TMEM163: variants seen among roughly 807,000 people sequenced by gnomAD.
TMEM163 encodes the protein transmembrane protein 163.
Under a neutral mutation model 29.3 loss-of-function variants are expected in TMEM163, and 17 were observed. The observed-to-expected ratio is 0.58, with a 90% CI of 0.40 to 0.87. TMEM163 has a LOEUF of 0.87. Ranked by LOEUF, TMEM163 falls within the 40% of genes least tolerant of loss-of-function variation. The pLI is 0.00. For synonymous variants in TMEM163, 157 were observed against 160.6 expected, an observed-to-expected ratio of 0.98 and a Z score of 0.17; for missense variants, 303 against 381.5, an observed-to-expected ratio of 0.79 and a Z score of 1.71.
At chr2:134,556,136 CAAG>C (rs2104773965) in intron 2 of TMEM163, among the ~76,000 whole-genome samples, 1 of 152,268 alleles carries the variant, frequency 6.6e-6, no homozygotes, top group African/African-American at 2.4e-5. Flanking sequence ...GAAGCCAACA[CAAG>C]AAGAAAGTAG....
intron 4 of TMEM163, among the ~76,000 whole-genome samples, chr2:134,542,527 G>A (rs536195683): frequency 7.9e-5 from 12 of 152,300 alleles, no homozygotes; most frequent in African/African-American, 1.9e-4. Context: ...CCCGTCACTC[G>A]CATTACCGCC....
intron 2 of TMEM163, among the ~76,000 whole-genome samples, chr2:134,615,219 A>G (rs1337849263): frequency 6.6e-6 from 1 of 152,236 alleles, no homozygotes; most frequent in African/African-American, 2.4e-5. Flanking sequence ...ACTAAAAAGG[A>G]TAAGACATCA....
intron 6 of TMEM163, 175 bp from the exon 7 acceptor site, chr2:134,458,348 A>G (rs1456338111): frequency 4.5e-5 from 30 of 668,546 alleles, no homozygotes; most frequent in Middle Eastern, 4.2e-4. Flanking sequence ...AAATGTCACC[A>G]GATACCTCCC....
intron 4 of TMEM163, among the ~76,000 whole-genome samples, chr2:134,508,407 AAG>A (rs1211611554): frequency 6.6e-6 from 1 of 152,236 alleles, no homozygotes; most frequent in Non-Finnish European, 1.5e-5. Flanking sequence ...TGAAAAATAA[AAG>A]AGTTAAGTGG....
chr2:134,614,048 T>C (rs1275588755), intron 2 of TMEM163, among the ~76,000 whole-genome samples: 2 of 152,170 alleles, frequency 1.3e-5, no homozygotes, highest in Non-Finnish European at 2.9e-5. Context: ...AAAGGTAGGA[T>C]GAATCACTTT....
At chr2:134,483,389 A>G (rs923576350) in intron 5 of TMEM163, among the ~76,000 whole-genome samples, 6 of 152,108 alleles carry the variant, frequency 3.9e-5, no homozygotes, top group Admixed American at 3.9e-4. Context: ...ACTCTGCTCA[A>G]TGACAGAAGT....
intron 5 of TMEM163, among the ~76,000 whole-genome samples, chr2:134,474,799 C>T (rs1006226905): frequency 4.6e-5 from 7 of 152,082 alleles, no homozygotes; most frequent in Non-Finnish European, 1.0e-4. Flanking sequence ...ATAAATTTTA[C>T]ATGTAAGACC....
chr2:134,685,629 A>G (rs1380649634), intron 2 of TMEM163, among the ~76,000 whole-genome samples: 4 of 152,266 alleles, frequency 2.6e-5, no homozygotes, highest in African/African-American at 9.6e-5. Context: ...AGAACCCGTC[A>G]CCACAGCTCC....
intron 2 of TMEM163, among the ~76,000 whole-genome samples, chr2:134,691,120 G>C (rs1684454748): frequency 6.6e-6 from 1 of 152,208 alleles, no homozygotes; most frequent in Admixed American, 6.5e-5. Flanking sequence ...ACAAACAGCA[G>C]TGAGGGCCTC....
intron 2 of TMEM163, among the ~76,000 whole-genome samples, chr2:134,614,630 G>C (rs1038853189): frequency 3.3e-5 from 5 of 152,260 alleles, no homozygotes; most frequent in African/African-American, 1.2e-4. Context: ...GCAGTGGGTG[G>C]ATCACTTGAG....
chr2:134,517,950 G>GAA (rs11307207), intron 4 of TMEM163, among the ~76,000 whole-genome samples: 1 of 148,642 alleles, frequency 6.7e-6, no homozygotes. Context: ...TTGTCAGATG[G>GAA]AAAAAAAAAA....
At chr2:134,477,609 G>A (rs1686947214) in intron 5 of TMEM163, among the ~76,000 whole-genome samples, 2 of 152,234 alleles carry the variant, frequency 1.3e-5, no homozygotes, top group African/African-American at 4.8e-5. Context: ...AAGAAGCAAA[G>A]AGTAAGCATA....
intron 5 of TMEM163, among the ~76,000 whole-genome samples, chr2:134,475,522 C>T (rs187377646): frequency 2.0e-5 from 3 of 152,070 alleles, no homozygotes; most frequent in Admixed American, 6.5e-5. Context: ...AAAACTTTTG[C>T]TCCTTGAAAG....
intron 2 of TMEM163, among the ~76,000 whole-genome samples, chr2:134,619,143 T>A (rs1682673647): frequency 6.6e-6 from 1 of 152,192 alleles, no homozygotes; most frequent in Non-Finnish European, 1.5e-5. Flanking sequence ...AAGAAAAATC[T>A]GAGCCCAGAT....
chr2:134,476,960 T>G (rs188178390), intron 5 of TMEM163, among the ~76,000 whole-genome samples: 2 of 152,302 alleles, frequency 1.3e-5, no homozygotes, highest in Admixed American at 1.3e-4. Flanking sequence ...GTTTCCTCTT[T>G]ATCATCAACT....
chr2:134,705,034 A>T (rs1399109768), intron 2 of TMEM163, among the ~76,000 whole-genome samples: 1 of 151,860 alleles, frequency 6.6e-6, no homozygotes, highest in Non-Finnish European at 1.5e-5. Context: ...ACATGGCGAA[A>T]CCCCGGCTCT....
chr2:134,673,716 C>A (rs777983845), intron 2 of TMEM163, among the ~76,000 whole-genome samples: 5 of 152,060 alleles, frequency 3.3e-5, no homozygotes, highest in Non-Finnish European at 7.4e-5. Flanking sequence ...AGAGAGCCCA[C>A]GAGCTGAGGA....
At position 134,522,222 on chromosome 2, in the gene TMEM163, G is replaced by T. The variant is rs146786128; in HGVS notation, c.459-19225C>A. Among the ~76,000 whole-genome samples the T allele has an allele frequency of 5.0e-3, 756 of 152,272 alleles. 4 individuals carry two copies. The highest frequency in any genetic ancestry group is 7.9e-3 in the Non-Finnish European group (538 of 68,016). On this transcript the variant is annotated intron_variant, in intron 4 of 7. Transcript: ENST00000281924. ...CACTGTGACAGCCTTTGTCTGCCCA[G>T]GCACAATTACTGCCAGGCCAACTAG...
intron 4 of TMEM163, among the ~76,000 whole-genome samples, chr2:134,546,521 G>C (rs1265024755): frequency 6.6e-6 from 1 of 152,138 alleles, no homozygotes; most frequent in Non-Finnish European, 1.5e-5. Flanking sequence ...GCGGACGCCT[G>C]TAGTCCCAGC....
Sources: gnomAD v4.1 joint callset for allele counts (sites outside exome capture counted in the v4.1 genomes callset) on GRCh38, gnomAD v4.1.1 for gene constraint, MANE v1.5 for transcripts, NCBI Gene and HGNC (gene_info 2026-07-23, HGNC 2026-07-21) for gene names.